The following SLC66A1 variants were observed in gnomAD, a reference collection of about 807,000 sequenced individuals.
SLC66A1 encodes the protein solute carrier family 66 member 1, also known as lysosomal amino acid transporter 1 homolog.
In SLC66A1, 23 loss-of-function variants were observed where a neutral mutation model predicts 33.0. That is an observed-to-expected ratio of 0.70 (90% confidence interval 0.50 to 0.99). The LOEUF is 0.99. SLC66A1 is among the 50% of genes least tolerant of loss of function. SLC66A1 has a pLI of 0.00. For synonymous variants in SLC66A1, 164 were observed against 175.5 expected, an observed-to-expected ratio of 0.93 and a Z score of 0.52; for missense variants, 335 against 383.6, an observed-to-expected ratio of 0.87 and a Z score of 1.06.
chr1:19,327,261 C>T lies in SLC66A1; in HGVS notation c.653C>T (p.Ser218Phe). Reference sequence around the variant, plus strand: ...AAGTCCACCCAGGGGATCTCCTACTCTCTGTTCGCGCTGGTGATGCTGGGG... The same window carrying T: ...AAGTCCACCCAGGGGATCTCCTACTTTCTGTTCGCGCTGGTGATGCTGGGG... ...LRKSTQGISY[S>F]LFALVMLGNT... The change falls in exon 7 of 8, where the codon TCT becomes TTT. Residue 218 changes from serine to phenylalanine, a missense_variant. Ser to Phe is a radical substitution (Grantham distance 155). Transcript: ENST00000375153. 3 of 1,613,992 alleles carry T rather than the reference C, an allele frequency of 1.9e-6. No individual in the cohort carries two copies. Among genetic ancestry groups the T allele is most frequent in the Non-Finnish European group, 1.7e-6 (2 of 1,179,942 alleles).
chr1:19,327,946 CCT>C (rs1229689085), intron 7 of SLC66A1: 2 of 264,946 alleles, frequency 7.5e-6, no homozygotes, highest in Non-Finnish European at 1.5e-5. Flanking sequence ...TGGCTCCTCC[CCT>C]GCTTCCTAGC....
downstream of SLC66A1, among the ~76,000 whole-genome samples, chr1:19,331,461 T>G (rs1260125952): frequency 6.6e-6 from 1 of 152,146 alleles, no homozygotes. Context: ...CCGTGTCCCC[T>G]TCCTCCATCC....
chr1:19,323,119 T>C (rs2152008396), intron 2 of SLC66A1, among the ~76,000 whole-genome samples: 1 of 151,740 alleles, frequency 6.6e-6, no homozygotes, highest in East Asian at 2.0e-4. Context: ...GCTCAAGTGA[T>C]TCTCTTGCCT....
At chr1:19,324,931 GCAGGTCACTGCTCTTCTCT>G (rs371812978) in intron 3 of SLC66A1, among the ~76,000 whole-genome samples, 169 bp downstream of exon 3, 9 of 152,340 alleles carry the variant, frequency 5.9e-5, no homozygotes, top group Non-Finnish European at 1.3e-4. Flanking sequence ...GTGACTGTGG[GCAGGTCACTGCTCTTCTCT>G]GGGCCTCAGT....
rs771733559 is a variant in SLC66A1 at position 19,325,630 on chromosome 1, G to C, written c.382+48G>C. 22 of 1,104,210 alleles carry C rather than the reference G, an allele frequency of 2.0e-5. No homozygotes were observed. In the South Asian group the frequency reaches 2.4e-4, roughly 12 times the overall value. The allele number at this position is 1,104,210 out of a possible 1,614,324, so 68.4% of individuals were successfully genotyped here. A position where few individuals can be genotyped will look rare whatever the true frequency, so the allele number is the denominator to read the frequency against. On this transcript the variant is annotated intron_variant, in intron 4 of 7. Coordinates refer to ENST00000375153, the MANE Select transcript of SLC66A1 (RefSeq NM_001040125.2). ...GTCAGATGCTCTACCAGCAGCAGGG[G>C]GCAGTTGTGGGGGGGGGCGCCTGGA...
In SLC66A1 at chr1:19,324,734, C is replaced by T; in HGVS notation, c.266C>T (p.Ser89Phe). The change falls in exon 3 of 8, where the codon TCC (serine) becomes TTC (phenylalanine). Residue 89 changes from serine (S) to phenylalanine (F), a missense_variant. Transcript: ENST00000375153. ...GGAGACTCCTGCAACCTCATCGGCT[C>T]CTTCCTTGCTGACCAGCTGCCCCTG... ...IGGDSCNLIG[S>F]FLADQLPLQT... 1 of 1,614,178 alleles carries T rather than the reference C, an allele frequency of 6.2e-7. No homozygotes were observed. The highest frequency in any genetic ancestry group is 2.2e-5 in the East Asian group (1 of 44,860).
At chr1:19,314,893 G>A (rs564197007) in intron 1 of SLC66A1, among the ~76,000 whole-genome samples, 341 of 131,724 alleles carry the variant, frequency 2.6e-3, no homozygotes, top group Non-Finnish European at 4.4e-3. Context: ...TGGACTATAT[G>A]GTTTTTTTTT....
Position 19,327,889 on chromosome 1 carries a change from G to C in SLC66A1, c.804+477G>C, listed in dbSNP as rs113170768. On this transcript the variant is annotated intron_variant, in intron 7 of 7. Transcript: ENST00000375153. ...CTAGGCTGTGCAGACGAGAGCTGGA[G>C]TGTGGAGAGACACATGACTTGGTCA... The C allele has an allele frequency of 6.2e-3, 1,881 of 301,834 alleles. 25 individuals are homozygous for C. The highest frequency in any genetic ancestry group is 0.038 in the African/African-American group (1,744 of 46,114). The allele number at this position is 301,834 out of a possible 1,614,324, so 18.7% of individuals were successfully genotyped here.
chr1:19,317,657 G>A lies in SLC66A1; in HGVS notation c.-21G>A, dbSNP rs202033348. ...CCCTCCGGTGCAGCCCTGCCTGGCC[G>A]GGGGCCCCTCCTCCACAGCCATGGT... is the stretch of plus-strand genomic sequence containing the variant. On this transcript the variant is annotated 5_prime_UTR_variant, in exon 2 of 8. Transcript: ENST00000375153. The A allele has an allele frequency of 1.4e-4, 232 of 1,611,394 alleles. No homozygotes were observed. The African/African-American group carries it at 2.7e-3, about 19-fold the overall frequency.
At position 19,317,754 on chromosome 1, in the gene SLC66A1, T is replaced by C. The variant is rs1251875424; in HGVS notation, c.77T>C (p.Leu26Ser). 2 of 1,614,176 alleles carry C rather than the reference T, an allele frequency of 1.2e-6. No homozygotes were observed. The highest frequency in any genetic ancestry group is 1.7e-6 in the Non-Finnish European group (2 of 1,180,040). ...TCCATCCAGTGGATATGGGATGTGTTGGGTGAATGTGCCCAGGACGGCTGG... is the reference window on the plus strand; with the variant it reads ...TCCATCCAGTGGATATGGGATGTGTCGGGTGAATGTGCCCAGGACGGCTGG... ...SGSIQWIWDV[L>S]GECAQDGWDE... Residue 26 changes from leucine (L) to serine (S), a missense_variant, in exon 2 of 8, where the codon TTG (leucine) becomes TCG (serine). Transcript: ENST00000375153.
In SLC66A1 at chr1:19,327,256, C is replaced by G; in HGVS notation, c.648C>G (p.Ser216=). The part of the protein sequence containing the change: ...NFLRKSTQGI[S]YSLFALVMLG... ...TCCGGAAGTCCACCCAGGGGATCTC[C>G]TACTCTCTGTTCGCGCTGGTGATGC... Residue 216 remains serine (S), a synonymous_variant, in exon 7 of 8, where the codon TCC becomes TCG. Transcript: ENST00000375153. 6.2e-7 allele frequency: 1 copy of G among 1,613,956 alleles called. No individual in the cohort carries two copies. The highest frequency in any genetic ancestry group is 8.5e-7 in the Non-Finnish European group (1 of 1,179,912).
At chr1:19,313,146 A>G (rs911122995) in intron 1 of SLC66A1, 1 of 968,968 alleles carries the variant, frequency 1.0e-6, no homozygotes, top group African/African-American at 1.8e-5. Context: ...GTATTGCATT[A>G]TTCCCCTACT....
At chr1:19,323,521 C>T (rs7539476) in intron 2 of SLC66A1, among the ~76,000 whole-genome samples, 36,262 of 152,066 alleles carry the variant, frequency 0.24, 4,646 homozygotes, top group South Asian at 0.33. Context: ...ATTCTCATCC[C>T]TCAGCCTCCT....
At chr1:19,324,532 C>A in intron 2 of SLC66A1, 101 bp from the exon 3 acceptor site, 1 of 1,455,322 alleles carries the variant, frequency 6.9e-7, no homozygotes. Context: ...CCATCGCCGC[C>A]TCGATCCCCA....
intron 2 of SLC66A1, among the ~76,000 whole-genome samples, chr1:19,322,648 G>A (rs1476860459): frequency 6.6e-6 from 1 of 152,150 alleles, no homozygotes; most frequent in African/African-American, 2.4e-5. Flanking sequence ...GAGGCCCAGA[G>A]GAGGAACCGA....
In SLC66A1 at chr1:19,312,512, G is replaced by A. The variant is rs1165253889; in HGVS notation, c.-456G>A. Reference sequence around the variant, plus strand: ...GCGCGATATCGTGGGACGAGGCTCCGGGCCGGGACTGGGTGGCCCTCGGGA... The same window carrying A: ...GCGCGATATCGTGGGACGAGGCTCCAGGCCGGGACTGGGTGGCCCTCGGGA... On this transcript the variant is annotated 5_prime_UTR_variant, in exon 1 of 8. Transcript: ENST00000375153. 1 of 156,634 alleles carries A rather than the reference G, an allele frequency of 6.4e-6. No homozygotes were observed. Among genetic ancestry groups the A allele is most frequent in the African/African-American group, 2.4e-5 (1 of 41,686 alleles). 9.7% of individuals were successfully genotyped at this position (156,634 alleles called of 1,614,324 possible).
downstream of SLC66A1, among the ~76,000 whole-genome samples, chr1:19,329,981 C>T (rs1277582099): frequency 6.6e-6 from 1 of 151,846 alleles, no homozygotes; most frequent in African/African-American, 2.4e-5. Context: ...GTTGTCCAGA[C>T]CCTGTTTTAT....
intron 1 of SLC66A1, 53 bp from the exon 2 acceptor site, chr1:19,317,547 G>A (rs2093812251): frequency 7.4e-6 from 11 of 1,477,124 alleles, no homozygotes; most frequent in Non-Finnish European, 9.8e-6. Flanking sequence ...GGATGACCAT[G>A]AATAGGACCT....
chr1:19,316,070 C>G lies in SLC66A1; in HGVS notation c.-78-1530C>G, dbSNP rs376697651. ...TTTCCCTCCCTCCTCTAAGGTGTCACGCAGGCAATGACTGCTCTACTCACT... is the reference window on the plus strand; with the variant it reads ...TTTCCCTCCCTCCTCTAAGGTGTCAGGCAGGCAATGACTGCTCTACTCACT... On this transcript the variant is annotated intron_variant, in intron 1 of 7. Coordinates refer to ENST00000375153, the MANE Select transcript of SLC66A1 (RefSeq NM_001040125.2). Among the ~76,000 whole-genome samples, 37 of 152,332 alleles carry G rather than the reference C, an allele frequency of 2.4e-4. No homozygotes were observed. In the South Asian group the frequency reaches 7.7e-3, roughly 32 times the overall value.
Sources: gnomAD v4.1 joint callset for allele counts (sites outside exome capture counted in the v4.1 genomes callset) on GRCh38, gnomAD v4.1.1 for gene constraint, MANE v1.5 for transcripts, NCBI Gene and HGNC (gene_info 2026-07-23, HGNC 2026-07-21) for gene names.